Variants in ADAMTS12 observed in about 807,000 individuals in gnomAD.
The protein encoded by ADAMTS12 is A disintegrin and metalloproteinase with thrombospondin motifs 12.
Under a neutral mutation model 167.8 loss-of-function variants are expected in ADAMTS12, and 118 were observed. That is an observed-to-expected ratio of 0.70 (90% CI 0.61 to 0.82). ADAMTS12 has a LOEUF of 0.82. ADAMTS12 is among the 40% of genes least tolerant of loss of function. The pLI is 0.00. For synonymous variants in ADAMTS12, 704 were observed against 716.9 expected, an observed-to-expected ratio of 0.98 and a Z score of 0.29; for missense variants, 1,916 against 1,998.8, an observed-to-expected ratio of 0.96 and a Z score of 0.79.
chr5:33,728,330 G>T (rs752293610), intron 3 of ADAMTS12, among the ~76,000 whole-genome samples: 9 of 152,226 alleles, frequency 5.9e-5, no homozygotes, highest in Non-Finnish European at 1.0e-4. Flanking sequence ...CATTGGACAC[G>T]AAAGGGATGC....
At position 33,534,815 on chromosome 5, in the gene ADAMTS12, G is replaced by C; in HGVS notation, c.4606+18C>G. ...TGTGCAAAGATCTCTTTCTCCCCGA[G>C]CAAACCCATTCACCCACCGGCACTT... On this transcript the variant is annotated intron_variant, in intron 23 of 23. Transcript: ENST00000504830. 1 of 1,605,114 alleles carries C rather than the reference G, an allele frequency of 6.2e-7. No homozygotes were observed. The highest frequency in any genetic ancestry group is 2.2e-5 in the East Asian group (1 of 44,814).
At chr5:33,532,551 G>A (rs978486879) in intron 23 of ADAMTS12, among the ~76,000 whole-genome samples, 16 of 151,650 alleles carry the variant, frequency 1.1e-4, no homozygotes, top group Non-Finnish European at 2.4e-4. Flanking sequence ...ACAACCCCAG[G>A]AATGGTAGGC....
chr5:33,888,337 AT>A (rs1332290383), intron 1 of ADAMTS12, among the ~76,000 whole-genome samples: 1 of 152,202 alleles, frequency 6.6e-6, no homozygotes, highest in Admixed American at 6.5e-5. Flanking sequence ...AAATTTACAC[AT>A]GTTGGAATGT....
chr5:33,559,837 G>A (rs987095880), intron 20 of ADAMTS12, among the ~76,000 whole-genome samples: 3 of 152,118 alleles, frequency 2.0e-5, no homozygotes, highest in Admixed American at 6.5e-5. Context: ...CCAACATCAC[G>A]CCATTGCATT....
chr5:33,535,902 A>G (rs2096349707), intron 22 of ADAMTS12, among the ~76,000 whole-genome samples: 1 of 152,090 alleles, frequency 6.6e-6, no homozygotes, highest in Non-Finnish European at 1.5e-5. Context: ...AAGCAGAGCA[A>G]CAGCGGACCC....
At chr5:33,626,714 G>C (rs867134081) in intron 13 of ADAMTS12, among the ~76,000 whole-genome samples, 1 of 150,826 alleles carries the variant, frequency 6.6e-6, no homozygotes. Context: ...ATGTGGTAGT[G>C]GGGGTAGTGA....
intron 20 of ADAMTS12, among the ~76,000 whole-genome samples, chr5:33,556,976 T>A (rs905590332): frequency 6.6e-6 from 1 of 152,224 alleles, no homozygotes; most frequent in Non-Finnish European, 1.5e-5. Flanking sequence ...CCCTTCAGAC[T>A]GCAACATGAC....
chr5:33,787,106 C>A (rs931826120), intron 2 of ADAMTS12, among the ~76,000 whole-genome samples: 30 of 152,136 alleles, frequency 2.0e-4, no homozygotes, highest in Admixed American at 1.5e-3. Flanking sequence ...ACTATACCCC[C>A]CAACCTGAAG....
intron 2 of ADAMTS12, among the ~76,000 whole-genome samples, chr5:33,852,229 G>A (rs758634621): frequency 3.3e-5 from 5 of 152,136 alleles, no homozygotes; most frequent in Non-Finnish European, 5.9e-5. Context: ...CTTAGAGATC[G>A]GCTGAGAATA....
intron 22 of ADAMTS12, among the ~76,000 whole-genome samples, chr5:33,541,038 A>G (rs1276642041): frequency 6.6e-6 from 1 of 152,214 alleles, no homozygotes; most frequent in Non-Finnish European, 1.5e-5. Flanking sequence ...AATTTCTCTG[A>G]GCTAAAGGAC....
At chr5:33,689,572 C>A (rs1027281607) in intron 3 of ADAMTS12, among the ~76,000 whole-genome samples, 2 of 152,066 alleles carry the variant, frequency 1.3e-5, no homozygotes, top group African/African-American at 4.8e-5. Flanking sequence ...GAGACAATAT[C>A]CTGCTTCTTT....
At chr5:33,588,497 T>C in intron 18 of ADAMTS12, 102 bp downstream of exon 18, 1 of 1,409,196 alleles carries the variant, frequency 7.1e-7, no homozygotes, top group Non-Finnish European at 1.0e-6. Flanking sequence ...CTGGCTATTT[T>C]GCAATTTTAC....
rs185856389 is a variant in ADAMTS12, at chr5:33,531,035, A to G, written c.4607-3669T>C. Among the ~76,000 whole-genome samples the G allele has an allele frequency of 7.9e-5, 12 of 152,324 alleles. No homozygotes were observed. In the East Asian group the frequency reaches 2.1e-3, roughly 27 times the overall value. On this transcript the variant is annotated intron_variant, in intron 23 of 23. Transcript: ENST00000504830. ...TGAGTGGTGTCCTTATAAAAAGAGG[A>G]GAAGAGACACAGAGAGAGACACACA...
rs192223607 is a variant in ADAMTS12 at position 33,812,975 on chromosome 5, T to C, written c.490-61427A>G. The stretch of plus-strand genomic sequence containing the variant: ...CCAGGCCGCCAGGAAGAAAGACTCA[T>C]GTGAAGGAGAATCAAAGCAAAAGTC... On this transcript the variant is annotated intron_variant, in intron 2 of 23. Coordinates refer to ENST00000504830, the MANE Select transcript of ADAMTS12 (RefSeq NM_030955.4). 2.8e-3 allele frequency among the ~76,000 whole-genome samples: 431 copies of C among 152,340 alleles called. 3 individuals are homozygous for C. The highest frequency in any genetic ancestry group is 9.8e-3 in the African/African-American group (408 of 41,590).
chr5:33,645,917 T>C (rs974450750), intron 9 of ADAMTS12, among the ~76,000 whole-genome samples: 2 of 152,118 alleles, frequency 1.3e-5, no homozygotes, highest in African/African-American at 2.4e-5. Flanking sequence ...GGAGAGGAGA[T>C]AGTCTAGTAA....
chr5:33,706,256 G>C (rs1353119192), intron 3 of ADAMTS12, among the ~76,000 whole-genome samples: 3 of 152,052 alleles, frequency 2.0e-5, no homozygotes, highest in Admixed American at 1.3e-4. Flanking sequence ...GAATATCCTT[G>C]TTAATTTTCT....
intron 2 of ADAMTS12, among the ~76,000 whole-genome samples, chr5:33,880,371 C>T (rs1750384559): frequency 6.6e-6 from 1 of 152,192 alleles, no homozygotes. Flanking sequence ...TGTCAGTAAA[C>T]TTTTTCTGAA....
chr5:33,549,218 G>T lies in ADAMTS12; in HGVS notation c.4291C>A (p.Pro1431Thr). The T allele has an allele frequency of 6.2e-7, 1 of 1,613,404 alleles. No homozygotes were observed. The highest frequency in any genetic ancestry group is 8.5e-7 in the Non-Finnish European group (1 of 1,179,376). Residue 1431 changes from proline (P) to threonine (T), a missense_variant, in exon 21 of 24, where the codon CCT becomes ACT. Pro to Thr is a conservative substitution (Grantham distance 38). Coordinates refer to ENST00000504830, the MANE Select transcript of ADAMTS12 (RefSeq NM_030955.4). ...PEPCEAWQVE[P>T]WSQCSRSCGG... ...TGTGGGGGACCTACCTGGCTCCAAGGCTCCACCTGCCACGCCTCACAGGGC... is the reference window on the plus strand; with the variant it reads ...TGTGGGGGACCTACCTGGCTCCAAGTCTCCACCTGCCACGCCTCACAGGGC...
At chr5:33,571,501 GT>G (rs1364456950) in intron 19 of ADAMTS12, among the ~76,000 whole-genome samples, 45 of 152,066 alleles carry the variant, frequency 3.0e-4, no homozygotes, top group African/African-American at 1.1e-3. Flanking sequence ...TGACTACTGG[GT>G]ACATAACGAA....
Sources: allele counts gnomAD v4.1 joint callset (sites outside exome capture counted in the v4.1 genomes callset), GRCh38; gene constraint gnomAD v4.1.1; transcripts MANE v1.5; gene names NCBI Gene and HGNC (gene_info 2026-07-23, HGNC 2026-07-21).